RGSL1: variants seen among roughly 807,000 people sequenced by gnomAD.
The protein encoded by RGSL1 is regulator of G protein signaling protein-like.
In RGSL1, 97 loss-of-function variants were observed where a neutral mutation model predicts 124.7. The ratio of observed to expected loss-of-function variants is 0.78; its 90% CI spans 0.66 to 0.92. RGSL1 has a LOEUF of 0.92. RGSL1 is among the 40% of genes least tolerant of loss of function. The probability of loss-of-function intolerance (pLI) is 0.00; values close to 1 mark genes in which losing one functional copy is unlikely to be tolerated. For synonymous variants in RGSL1, 424 were observed against 438.1 expected (o/e 0.97, Z 0.40); for missense variants, 1,233 against 1,288.4 (o/e 0.96, Z 0.66).
At chr1:182,486,399 C>T (rs1655102186) in intron 6 of RGSL1, among the ~76,000 whole-genome samples, 1 of 150,924 alleles carries the variant, frequency 6.6e-6, no homozygotes, top group Non-Finnish European at 1.5e-5. Context: ...CAACCTCCAT[C>T]TTCCAGGTTC....
intron 9 of RGSL1, among the ~76,000 whole-genome samples, chr1:182,509,760 G>T (rs1244746835): frequency 6.8e-5 from 9 of 131,786 alleles, no homozygotes; most frequent in Admixed American, 1.4e-4. Flanking sequence ...CTGGCCGGGT[G>T]GGGGGGCTGA....
intron 6 of RGSL1, among the ~76,000 whole-genome samples, chr1:182,477,508 G>A (rs1403771383): frequency 6.6e-6 from 1 of 152,164 alleles, no homozygotes; most frequent in Non-Finnish European, 1.5e-5. Context: ...CCCCAGTCCT[G>A]ATGACAGACT....
chr1:182,457,462 C>G (rs171980), intron 2 of RGSL1, among the ~76,000 whole-genome samples: 2 of 151,946 alleles, frequency 1.3e-5, no homozygotes, highest in African/African-American at 4.8e-5. Flanking sequence ...TACAGACTTA[C>G]AATTGTAACA....
intron 9 of RGSL1, among the ~76,000 whole-genome samples, chr1:182,494,825 A>G (rs1002408029): frequency 2.0e-5 from 3 of 152,226 alleles, no homozygotes. Context: ...AAGTGGCTCC[A>G]TCACTTCATC....
Position 182,474,492 on chromosome 1 carries a change from T to A in RGSL1, c.1381T>A (p.Ser461Thr). The change falls in exon 6 of 22, where the codon TCT becomes ACT. Residue 461 changes from serine to threonine, a missense_variant. Ser to Thr is a moderately conservative substitution (Grantham distance 58, BLOSUM62 1). Transcript: ENST00000294854. ...TCAGGGCCTGAAGGAACTATTGCCC[T>A]CTGGGGATGTGATCCCCTGGATTCC... ...TIQGLKELLP[S>T]GDVIPWIPKA... 6.5e-7 allele frequency: 1 copy of A among 1,550,354 alleles called. No homozygotes were observed. The highest frequency in any genetic ancestry group is 8.7e-7 in the Non-Finnish European group (1 of 1,145,872).
intron 9 of RGSL1, among the ~76,000 whole-genome samples, chr1:182,506,030 G>GCATTA (rs1246593770): frequency 1.3e-5 from 2 of 152,012 alleles, no homozygotes; most frequent in Non-Finnish European, 2.9e-5. Context: ...GATAGATGTG[G>GCATTA]CATTACATTG....
intron 9 of RGSL1, among the ~76,000 whole-genome samples, chr1:182,508,816 A>T (rs954163186): frequency 8.1e-6 from 1 of 123,878 alleles, no homozygotes; most frequent in African/African-American, 3.2e-5. Context: ...TGGTTTTCCT[A>T]GGCAGAGGAC....
At chr1:182,534,772 A>G (rs1455881249) in intron 14 of RGSL1, among the ~76,000 whole-genome samples, 2 of 151,998 alleles carry the variant, frequency 1.3e-5, no homozygotes, top group African/African-American at 4.8e-5. Flanking sequence ...GGTTGCAGTG[A>G]TCCGAGATTG....
At chr1:182,487,323 G>A (rs1481282865) in intron 6 of RGSL1, among the ~76,000 whole-genome samples, 1 of 152,126 alleles carries the variant, frequency 6.6e-6, no homozygotes, top group East Asian at 1.9e-4. Flanking sequence ...ACTCAGCAAG[G>A]CATTCAAGTC....
chr1:182,448,370 C>T (rs1317861482), upstream of RGSL1: 2 of 152,110 alleles, frequency 1.3e-5, no homozygotes, highest in East Asian at 3.9e-4. Context: ...TACAGGTGCG[C>T]AACACCACAT....
chr1:182,522,169 A>G (rs1050190515), intron 10 of RGSL1, 60 bp downstream of exon 10: 37 of 1,159,782 alleles, frequency 3.2e-5, no homozygotes, highest in Non-Finnish European at 4.5e-5. Flanking sequence ...AAAAACCTCA[A>G]CATGTCTAAT....
intron 10 of RGSL1, among the ~76,000 whole-genome samples, chr1:182,523,100 A>T (rs622914): frequency 6.6e-6 from 1 of 151,550 alleles, no homozygotes; most frequent in Non-Finnish European, 1.5e-5. Context: ...CAGTGGCTCA[A>T]TCACAGCTCA....
chr1:182,518,395 A>G (rs1658060233), intron 9 of RGSL1, among the ~76,000 whole-genome samples: 1 of 152,140 alleles, frequency 6.6e-6, no homozygotes, highest in Non-Finnish European at 1.5e-5. Flanking sequence ...AAGGCTAGCT[A>G]GGGGTTTGTG....
Position 182,548,353 on chromosome 1 carries a change from G to A in RGSL1, c.2706G>A (p.Gln902=), listed in dbSNP as rs572904224. ...NDLVSSAHML[Q]VNRAYNENDV... Reference sequence around the variant, plus strand: ...TGGTCAGTTCAGCCCACATGCTGCAGGTCAACCGGGCATATAATGAGAATG... The same window carrying A: ...TGGTCAGTTCAGCCCACATGCTGCAAGTCAACCGGGCATATAATGAGAATG... The change falls in exon 16 of 22, where the codon CAG becomes CAA. Residue 902 remains glutamine, a synonymous_variant. Coordinates refer to ENST00000294854, the MANE Select transcript of RGSL1 (RefSeq NM_001137669.2). The A allele has an allele frequency of 4.5e-6, 7 of 1,551,978 alleles. No homozygotes were observed. Among genetic ancestry groups the A allele is most frequent in the African/African-American group, 1.4e-5 (1 of 73,090 alleles).
At chr1:182,511,308 G>A (rs889672900) in intron 9 of RGSL1, among the ~76,000 whole-genome samples, 2 of 152,138 alleles carry the variant, frequency 1.3e-5, no homozygotes, top group African/African-American at 4.8e-5. Context: ...GGGATTACAA[G>A]CATGTGCCAC....
intron 4 of RGSL1, among the ~76,000 whole-genome samples, chr1:182,464,195 T>A (rs1653080929): frequency 6.6e-6 from 1 of 152,114 alleles, no homozygotes; most frequent in Non-Finnish European, 1.5e-5. Flanking sequence ...ATAAAAGCAG[T>A]GTTAATGGGA....
chr1:182,529,007 C>T (rs1658965384), intron 11 of RGSL1, among the ~76,000 whole-genome samples: 1 of 152,050 alleles, frequency 6.6e-6, no homozygotes, highest in South Asian at 2.1e-4. Context: ...AGCACAAGAA[C>T]AGCATGGGGT....
chr1:182,491,344 T>C (rs963297325), intron 8 of RGSL1, among the ~76,000 whole-genome samples: 4 of 151,884 alleles, frequency 2.6e-5, no homozygotes, highest in African/African-American at 9.7e-5. Context: ...GCCTCCAGAG[T>C]AGCTGGGATT....
chr1:182,530,538 T>TACACACAC (rs34247322), intron 12 of RGSL1, among the ~76,000 whole-genome samples, 177 bp downstream of exon 12: 36,942 of 148,896 alleles, frequency 0.25, 4,760 homozygotes, highest in Non-Finnish European at 0.29. Flanking sequence ...CACACACACA[T>TACACACAC]ACACACACAC....
Sources: allele counts gnomAD v4.1 joint callset (sites outside exome capture counted in the v4.1 genomes callset), GRCh38; gene constraint gnomAD v4.1.1; transcripts MANE v1.5; gene names NCBI Gene and HGNC (gene_info 2026-07-23, HGNC 2026-07-21).